Variants in ZNG1E observed in about 807,000 individuals in gnomAD.
ZNG1E encodes the protein zinc-regulated GTPase metalloprotein activator 1E.
At chr9:65,715,463 T>C in the ZNG1E span, among the ~76,000 whole-genome samples, 15 of 149,070 alleles carry the variant, frequency 1.0e-4, no homozygotes, top group Non-Finnish European at 1.9e-4. Context: ...TTCTGCCTTC[T>C]GCTGTGGGGA....
At chr9:65,681,920 T>C in the ZNG1E span, 1 of 588,020 alleles carries the variant, frequency 1.7e-6, no homozygotes, top group African/African-American at 1.9e-5. Flanking sequence ...ATTTAATCTC[T>C]AGTGCATGAA....
chr9:65,659,451 T>A, the ZNG1E span, among the ~76,000 whole-genome samples: 1 of 146,994 alleles, frequency 6.8e-6, no homozygotes, highest in East Asian at 2.0e-4. Context: ...GCCGAGATCA[T>A]GCCACTGCAC....
chr9:65,684,670 G>C, the ZNG1E span, among the ~76,000 whole-genome samples: 22 of 151,996 alleles, frequency 1.4e-4, no homozygotes, highest in African/African-American at 4.8e-4. Context: ...GCCTCAGCTG[G>C]GAGCTTGTTA....
At chr9:65,657,884 T>C in the ZNG1E span, among the ~76,000 whole-genome samples, 1 of 152,270 alleles carries the variant, frequency 6.6e-6, no homozygotes, top group African/African-American at 2.4e-5. Flanking sequence ...GCAGATCACC[T>C]GAGGTCGGGA....
chr9:65,680,951 G>A, the ZNG1E span, among the ~76,000 whole-genome samples: 35 of 152,310 alleles, frequency 2.3e-4, no homozygotes, highest in African/African-American at 8.4e-4. Context: ...ACCACACCTG[G>A]CTAATTTTTT....
chr9:65,693,510 T>C, the ZNG1E span: 1 of 1,279,102 alleles, frequency 7.8e-7, no homozygotes, highest in South Asian at 1.2e-5. Context: ...TGTTTAAAAA[T>C]TAGTGACTGT....
chr9:65,665,129 T>C, the ZNG1E span, among the ~76,000 whole-genome samples: 2 of 152,270 alleles, frequency 1.3e-5, no homozygotes, highest in East Asian at 1.9e-4. Flanking sequence ...TCAAGCTGGC[T>C]GCAGAAATTT....
At chr9:65,720,884 A>G in the ZNG1E span, among the ~76,000 whole-genome samples, 1 of 149,014 alleles carries the variant, frequency 6.7e-6, no homozygotes, top group East Asian at 2.0e-4. Context: ...TTTCCCTGTG[A>G]AACTTTTGTT....
the ZNG1E span, chr9:65,709,063 A>C: frequency 6.9e-7 from 1 of 1,441,824 alleles, no homozygotes; most frequent in Admixed American, 1.9e-5. Flanking sequence ...GCTTCCTGCC[A>C]TTCCTTTGGC....
chr9:65,654,361 G>A, the ZNG1E span, among the ~76,000 whole-genome samples: 4 of 150,470 alleles, frequency 2.7e-5, no homozygotes, highest in South Asian at 2.1e-4. Context: ...TAATAAATAC[G>A]AGTGTCTTAA....
At chr9:65,722,573 CAGGCTGG>C in the ZNG1E span, among the ~76,000 whole-genome samples, 877 of 68,078 alleles carry the variant, frequency 0.013, no homozygotes, top group Admixed American at 0.045. Context: ...GAGTCTCACC[CAGGCTGG>C]AGTGCAGTGG....
At chr9:65,656,578 A>G in the ZNG1E span, among the ~76,000 whole-genome samples, 2 of 152,216 alleles carry the variant, frequency 1.3e-5, no homozygotes, top group African/African-American at 2.4e-5. Flanking sequence ...AGATCCCTAC[A>G]TCCTCTCTTC....
the ZNG1E span, among the ~76,000 whole-genome samples, chr9:65,658,111 A>C: frequency 7.4e-6 from 1 of 135,218 alleles, no homozygotes; most frequent in South Asian, 2.3e-4. Flanking sequence ...AAAAAAAAAA[A>C]AAAAACTTAT....
chr9:65,684,318 C>T, the ZNG1E span, among the ~76,000 whole-genome samples: 1 of 151,174 alleles, frequency 6.6e-6, no homozygotes, highest in Middle Eastern at 3.4e-3. Context: ...AGGTGGATCC[C>T]TTGAGGCCAG....
the ZNG1E span, among the ~76,000 whole-genome samples, chr9:65,687,931 A>T: frequency 6.6e-6 from 1 of 151,086 alleles, no homozygotes; most frequent in African/African-American, 2.4e-5. Context: ...TTCTTCTAAG[A>T]ACATTTTCCT....
the ZNG1E span, among the ~76,000 whole-genome samples, chr9:65,702,514 T>G: frequency 1.1e-3 from 170 of 148,464 alleles, 10 homozygotes; most frequent in Middle Eastern, 3.4e-3. Flanking sequence ...AAGGACAGAC[T>G]GGGGGCAAAG....
At chr9:65,667,094 T>C in the ZNG1E span, among the ~76,000 whole-genome samples, 1 of 152,274 alleles carries the variant, frequency 6.6e-6, no homozygotes, top group Non-Finnish European at 1.5e-5. Flanking sequence ...GTGCTGGGAT[T>C]ACACATGTGA....
the ZNG1E span, among the ~76,000 whole-genome samples, chr9:65,727,310 CA>C: frequency 6.7e-6 from 1 of 148,872 alleles, no homozygotes; most frequent in Admixed American, 6.7e-5. Context: ...ACCTATAAAA[CA>C]AAAGTACAAT....
chr9:65,667,140 G>T, the ZNG1E span, among the ~76,000 whole-genome samples: 1 of 152,254 alleles, frequency 6.6e-6, no homozygotes, highest in Admixed American at 6.5e-5. Flanking sequence ...TATTACCCAG[G>T]GATATGAATA....
Sources: allele counts gnomAD v4.1 joint callset (sites outside exome capture counted in the v4.1 genomes callset), GRCh38; gene constraint gnomAD v4.1.1; transcripts MANE v1.5; gene names NCBI Gene and HGNC (gene_info 2026-07-23, HGNC 2026-07-21).